Variants in DCAF8L2 observed in about 807,000 individuals in gnomAD.
DCAF8L2 encodes the protein DDB1 and CUL4 associated factor 8 like 2, also known as DDB1- and CUL4-associated factor 8-like protein 2.
For missense variants in DCAF8L2, 430 were observed against 490.7 expected (o/e 0.88, Z 1.17); for synonymous variants, 200 against 190.9 (o/e 1.05, Z -0.39).
chrX:27,636,173 T>C (rs1205288701), intron 2 of DCAF8L2, among the ~76,000 whole-genome samples: 2 of 111,641 alleles, frequency 1.8e-5, no homozygotes, highest in African/African-American at 6.5e-5. Flanking sequence ...TTTATTTTCT[T>C]AAGAGCTATG....
At chrX:27,526,091 A>G in the DCAF8L2 span, among the ~76,000 whole-genome samples, 1 of 111,954 alleles carries the variant, frequency 8.9e-6, no homozygotes, top group African/African-American at 3.2e-5. Flanking sequence ...AGGTTGGGGA[A>G]GTTCTCCTGG....
the DCAF8L2 span, among the ~76,000 whole-genome samples, chrX:27,492,682 T>A: frequency 9.0e-6 from 1 of 111,039 alleles, no homozygotes; most frequent in Non-Finnish European, 1.9e-5. Flanking sequence ...GGTTTCTCCA[T>A]GTTGGTCAGG....
chrX:27,718,772 G>T (rs750852909), intron 4 of DCAF8L2, among the ~76,000 whole-genome samples: 1 of 111,538 alleles, frequency 9.0e-6, no homozygotes, highest in Non-Finnish European at 1.9e-5. Context: ...TCTCAAGCCT[G>T]CTGGCTTTCC....
the DCAF8L2 span, among the ~76,000 whole-genome samples, chrX:27,528,227 G>A: frequency 9.4e-6 from 1 of 106,635 alleles, no homozygotes; most frequent in Admixed American, 1.0e-4. Flanking sequence ...CAATGTATTG[G>A]TTGAGAAATT....
the DCAF8L2 span, among the ~76,000 whole-genome samples, chrX:27,481,445 C>G: frequency 2.7e-5 from 3 of 110,708 alleles, no homozygotes; most frequent in Non-Finnish European, 3.8e-5. Context: ...CAATAGGAAG[C>G]CTTTCATGGA....
intron 4 of DCAF8L2, among the ~76,000 whole-genome samples, chrX:27,720,563 C>CG (rs1172064487): frequency 9.1e-6 from 1 of 110,464 alleles, no homozygotes; most frequent in Non-Finnish European, 1.9e-5. Flanking sequence ...TTAGTAGAGA[C>CG]GGGGTTTCAC....
the DCAF8L2 span, among the ~76,000 whole-genome samples, chrX:27,525,972 T>G: frequency 3.6e-5 from 4 of 111,832 alleles, no homozygotes; most frequent in Non-Finnish European, 5.6e-5. Flanking sequence ...TTTCCTTCAT[T>G]TCAACTTTGG....
chrX:27,648,147 G>A (rs748088367), intron 2 of DCAF8L2, among the ~76,000 whole-genome samples: 65 of 110,556 alleles, frequency 5.9e-4, no homozygotes, highest in African/African-American at 2.1e-3. Flanking sequence ...GCAAAAATGA[G>A]GGAGGAAAAA....
At chrX:27,621,806 A>G (rs1438305894) in intron 1 of DCAF8L2, among the ~76,000 whole-genome samples, 1 of 110,379 alleles carries the variant, frequency 9.1e-6, no homozygotes, top group Admixed American at 9.7e-5. Flanking sequence ...AAGCCTGGGC[A>G]ACACAGTGAG....
chrX:27,583,206 G>C, the DCAF8L2 span, among the ~76,000 whole-genome samples: 1 of 111,468 alleles, frequency 9.0e-6, no homozygotes, highest in Non-Finnish European at 1.9e-5. Context: ...TTTTGTGTGT[G>C]TGCACAAATG....
At chrX:27,659,025 G>GATA (rs769169273) in intron 2 of DCAF8L2, among the ~76,000 whole-genome samples, 2 of 111,711 alleles carry the variant, frequency 1.8e-5, no homozygotes, top group Admixed American at 1.9e-4. Flanking sequence ...AGATCTCTCT[G>GATA]ATATATGTTT....
upstream of DCAF8L2, among the ~76,000 whole-genome samples, chrX:27,587,287 T>G (rs766981029): frequency 7.5e-4 from 84 of 111,705 alleles, no homozygotes; most frequent in African/African-American, 2.5e-3. Context: ...CTTTTTACTG[T>G]GTTTATTGCT....
In DCAF8L2 at chrX:27,747,626, C is replaced by T; in HGVS notation, c.731C>T (p.Ala244Val). Residue 244 changes from alanine to valine, a missense_variant, in exon 5 of 5, where the codon GCC becomes GTC. Ala to Val is a moderately conservative substitution (Grantham distance 64). Transcript: ENST00000451261. ...TTTAACCAGCGTGGCACCCGGCTGG[C>T]CAGTAGCGGTGATGACCTAAAGGTG... ...VHFNQRGTRL[A>V]SSGDDLKVIV... The T allele has an allele frequency of 8.3e-7, 1 of 1,206,407 alleles. No individual in the cohort carries two copies. The highest frequency in any genetic ancestry group is 1.7e-5 in the African/African-American group (1 of 57,766).
intron 4 of DCAF8L2, 166 bp from the exon 5 acceptor site, chrX:27,746,672 C>T (rs1327207074): frequency 8.2e-6 from 3 of 365,279 alleles, no homozygotes; most frequent in African/African-American, 5.1e-5. Flanking sequence ...TGCGAGGCGG[C>T]GAGCAGGTAA....
At chrX:27,565,720 C>T in the DCAF8L2 span, among the ~76,000 whole-genome samples, 1 of 111,289 alleles carries the variant, frequency 9.0e-6, no homozygotes, top group Non-Finnish European at 1.9e-5. Flanking sequence ...TGTCTCACGA[C>T]CAAGGAGTGT....
chrX:27,613,124 A>G (rs1015659016), intron 1 of DCAF8L2, among the ~76,000 whole-genome samples: 1 of 110,833 alleles, frequency 9.0e-6, no homozygotes, highest in Non-Finnish European at 1.9e-5. Context: ...CTTTTATTTC[A>G]TTGAGCAGTG....
intron 2 of DCAF8L2, among the ~76,000 whole-genome samples, chrX:27,639,819 C>T (rs1348640887): frequency 2.7e-5 from 3 of 112,031 alleles, no homozygotes; most frequent in Non-Finnish European, 3.8e-5. Flanking sequence ...GAACTTTTCT[C>T]ATTTTTAATC....
chrX:27,508,717 G>A, the DCAF8L2 span, among the ~76,000 whole-genome samples: 1 of 103,296 alleles, frequency 9.7e-6, no homozygotes, highest in East Asian at 3.0e-4. Flanking sequence ...GATGAGATTG[G>A]ATTGGCACTG....
At chrX:27,633,892 A>C (rs945125526) in intron 2 of DCAF8L2, 3 of 111,079 alleles carry the variant, frequency 2.7e-5, no homozygotes, top group African/African-American at 9.8e-5. Context: ...AAATTAGCAT[A>C]TTTTTCTCTC....
Sources: allele counts gnomAD v4.1 joint callset (sites outside exome capture counted in the v4.1 genomes callset), GRCh38; gene constraint gnomAD v4.1.1; transcripts MANE v1.5; gene names NCBI Gene and HGNC (gene_info 2026-07-23, HGNC 2026-07-21).